Variants in KIRREL3 observed in about 807,000 individuals in gnomAD.
KIRREL3 encodes kin of IRRE-like protein 3.
In KIRREL3, 36 loss-of-function variants were observed where a neutral mutation model predicts 89.7. The ratio of observed to expected loss-of-function variants is 0.40; its 90% CI spans 0.31 to 0.53. KIRREL3 has a LOEUF of 0.53. Ranked by LOEUF, KIRREL3 falls within the 20% of genes least tolerant of loss-of-function variation. The pLI is 0.49. For synonymous variants in KIRREL3, 445 were observed against 441.4 expected, an observed-to-expected ratio of 1.01 and a Z score of -0.10; for missense variants, 864 against 1,056.6, an observed-to-expected ratio of 0.82 and a Z score of 2.53.
chr11:126,781,540 T>C (rs1292571208), intron 1 of KIRREL3, among the ~76,000 whole-genome samples: 1 of 152,206 alleles, frequency 6.6e-6, no homozygotes, highest in Admixed American at 6.5e-5. Flanking sequence ...TTTATCTGTG[T>C]CATTAGAAAA....
rs1205034117 is a variant in KIRREL3 at position 126,484,113 on chromosome 11, C to T, written c.434-10647G>A. ...TTAGTACAGTGCCTGGCATAGTGAG[C>T]ACTTAATAAATACTTGTTGCCTGGT... is the stretch of plus-strand genomic sequence containing the variant. On this transcript the variant is annotated intron_variant, in intron 4 of 16. Coordinates refer to ENST00000525144, the MANE Select transcript of KIRREL3 (RefSeq NM_032531.4). This position sits in a 1 kb window ranked among gnomAD's most constrained non-coding sequence, Gnocchi z 5.2. Among the ~76,000 whole-genome samples the T allele has an allele frequency of 6.6e-6, 1 of 152,178 alleles. No homozygotes were observed. Among genetic ancestry groups the T allele is most frequent in the Non-Finnish European group, 1.5e-5 (1 of 68,044 alleles).
At position 126,652,829 on chromosome 11, in the gene KIRREL3, C is replaced by T. The variant is rs1232264120; in HGVS notation, c.56-89917G>A. ...TTCAACTTTCCTCCCTGAGATCTTC[C>T]TCCGTGAACCAACAACAAAAGGACC... is the stretch of plus-strand genomic sequence containing the variant. On this transcript the variant is annotated intron_variant, in intron 1 of 16. Transcript: ENST00000525144. This position sits in a 1 kb window ranked among gnomAD's most constrained non-coding sequence, Gnocchi z 4.9. 17 of 152,188 alleles carry T rather than the reference C, an allele frequency of 1.1e-4. No homozygotes were observed. The allele number at this position is 152,188 out of a possible 1,614,324, so 9.4% of individuals were successfully genotyped here. A position where few individuals can be genotyped will look rare whatever the true frequency, so the allele number is the denominator to read the frequency against.
intron 1 of KIRREL3, among the ~76,000 whole-genome samples, chr11:126,707,529 A>G (rs1157067323): frequency 6.6e-6 from 1 of 152,114 alleles, no homozygotes; most frequent in African/African-American, 2.4e-5. Context: ...TCTATACTCT[A>G]TGTCAGTCCA....
rs960951722 is a variant in KIRREL3, at chr11:127,000,744, T to TC, written c.-236dup. 9 of 533,162 alleles carry TC rather than the reference T, an allele frequency of 1.7e-5. No homozygotes were observed. The African/African-American group carries it at 1.7e-4, about 10-fold the overall frequency. The allele number at this position is 533,162 out of a possible 1,614,324, so 33.0% of individuals were successfully genotyped here. On this transcript the variant is annotated 5_prime_UTR_variant, in exon 1 of 17. The change abolishes the stop of an existing upstream ORF in the 5' untranslated region. Coordinates refer to ENST00000525144, the MANE Select transcript of KIRREL3 (RefSeq NM_032531.4). The surrounding 1 kb of genome is among the most constrained non-coding windows in gnomAD (Gnocchi z 7.1). ...CGGGAAGCCGGGATTGTCAGCAATG[T>TC]CCCCACTCGGAGAAGATCCATTCTC...
rs1949725427 is a variant in KIRREL3, at chr11:126,981,723, G to T, written c.55+18732C>A. Among the ~76,000 whole-genome samples, 1 of 152,126 alleles carries T rather than the reference G, an allele frequency of 6.6e-6. No homozygotes were observed. The highest frequency in any genetic ancestry group is 6.5e-5 in the Admixed American group (1 of 15,282). On this transcript the variant is annotated intron_variant, in intron 1 of 16. Coordinates refer to ENST00000525144, the MANE Select transcript of KIRREL3 (RefSeq NM_032531.4). This position sits in a 1 kb window ranked among gnomAD's most constrained non-coding sequence, Gnocchi z 4.2. Reference sequence around the variant, plus strand: ...ATCCTTGGAGTAGGTTCCTGAGCTTGGTGCCTGGGGAACTGGGGAAGGCCC... The same window carrying T: ...ATCCTTGGAGTAGGTTCCTGAGCTTTGTGCCTGGGGAACTGGGGAAGGCCC...
In KIRREL3 at chr11:126,752,520, T is replaced by C. The variant is rs897439316; in HGVS notation, c.56-189608A>G. On this transcript the variant is annotated intron_variant, in intron 1 of 16. Coordinates refer to ENST00000525144, the MANE Select transcript of KIRREL3 (RefSeq NM_032531.4). This position sits in a 1 kb window ranked among gnomAD's most constrained non-coding sequence, Gnocchi z 4.8. ...ACAGCGGAATAAGACCACTGAGTGT[T>C]GTTCTTGAAAACTGATGCAGAATTA... Among the ~76,000 whole-genome samples, 3 of 152,210 alleles carry C rather than the reference T, an allele frequency of 2.0e-5. No homozygotes were observed. The highest frequency in any genetic ancestry group is 4.8e-5 in the African/African-American group (2 of 41,466).
rs1241723834 is a variant in KIRREL3, at chr11:126,520,662, T to A, written c.433+653A>T. Among the ~76,000 whole-genome samples the A allele has an allele frequency of 1.3e-5, 2 of 152,160 alleles. No homozygotes were observed. The highest frequency in any genetic ancestry group is 3.9e-4 in the East Asian group (2 of 5,188). ...TAAGAGGTCACCGAGCCCATTCCCC[T>A]GTCTTCAGGCAAGATGATCCAGGAA... On this transcript the variant is annotated intron_variant, in intron 4 of 16. Transcript: ENST00000525144. This position sits in a 1 kb window ranked among gnomAD's most constrained non-coding sequence, Gnocchi z 4.9.
In KIRREL3 at chr11:126,601,324, G is replaced by A. The variant is rs768421470; in HGVS notation, c.56-38412C>T. ...ACTGAGCGGCAGCCGTGGGCATCTT[G>A]GGTTTTGCAGCTCAGCCCTGGGCCT... On this transcript the variant is annotated intron_variant, in intron 1 of 16. Coordinates refer to ENST00000525144, the MANE Select transcript of KIRREL3 (RefSeq NM_032531.4). This position sits in a 1 kb window ranked among gnomAD's most constrained non-coding sequence, Gnocchi z 5.8. Among the ~76,000 whole-genome samples the A allele has an allele frequency of 2.0e-5, 3 of 152,174 alleles. No individual in the cohort carries two copies. The highest frequency in any genetic ancestry group is 4.4e-5 in the Non-Finnish European group (3 of 68,038).
intron 1 of KIRREL3, among the ~76,000 whole-genome samples, chr11:126,849,785 G>A (rs769795776): frequency 5.9e-5 from 9 of 152,144 alleles, no homozygotes; most frequent in South Asian, 2.1e-4. Context: ...TCACAGGTGC[G>A]GCTTTTCCAA....
At chr11:126,467,489 T>A (rs1956764062) in intron 5 of KIRREL3, among the ~76,000 whole-genome samples, 1 of 151,976 alleles carries the variant, frequency 6.6e-6, no homozygotes, top group African/African-American at 2.4e-5. Flanking sequence ...AGACAAGGGG[T>A]GGGGGCCCAA....
chr11:126,712,647 T>C (rs1345547787), intron 1 of KIRREL3, among the ~76,000 whole-genome samples: 1 of 152,134 alleles, frequency 6.6e-6, no homozygotes, highest in Non-Finnish European at 1.5e-5. Flanking sequence ...TGTCCACTCA[T>C]GGTGTGAGTC....
intron 13 of KIRREL3, among the ~76,000 whole-genome samples, chr11:126,435,002 G>A (rs1815937180): frequency 6.6e-6 from 1 of 152,136 alleles, no homozygotes; most frequent in African/African-American, 2.4e-5. Flanking sequence ...AATGGAGCGG[G>A]GACGAGCAAG....
At chr11:126,895,776 T>G (rs2134802012) in intron 1 of KIRREL3, among the ~76,000 whole-genome samples, 1 of 152,224 alleles carries the variant, frequency 6.6e-6, no homozygotes, top group South Asian at 2.1e-4. Context: ...CCTCCCTAAC[T>G]TCCCCTTTAC....
At chr11:126,732,367 C>T (rs1948653175) in intron 1 of KIRREL3, among the ~76,000 whole-genome samples, 1 of 152,162 alleles carries the variant, frequency 6.6e-6, no homozygotes, top group African/African-American at 2.4e-5. Context: ...AAATAGCCAC[C>T]CCTTCTCATG....
In KIRREL3 at chr11:126,521,574, AGAG is replaced by A. The variant is rs1298507258; in HGVS notation, c.284-113_284-111del. 2 of 968,140 alleles carry A rather than the reference AGAG, an allele frequency of 2.1e-6. No individual in the cohort carries two copies. The highest frequency in any genetic ancestry group is 4.8e-5 in the Admixed American group (2 of 41,946). The allele number at this position is 968,140 out of a possible 1,614,324, so 60.0% of individuals were successfully genotyped here. A position where few individuals can be genotyped will look rare whatever the true frequency, so the allele number is the denominator to read the frequency against. ...GCAGGGGCCATTCTACAAGGCTGGCAGAGCGGGTGATTGCTCAGGGCTCTGATC... is the reference window on the plus strand; with the variant it reads ...GCAGGGGCCATTCTACAAGGCTGGCACGGGTGATTGCTCAGGGCTCTGATC... On this transcript the variant is annotated intron_variant, in intron 3 of 16. Transcript: ENST00000525144. The surrounding 1 kb of genome is among the most constrained non-coding windows in gnomAD (Gnocchi z 4.1).
chr11:126,837,419 G>T lies in KIRREL3; in HGVS notation c.55+163036C>A, dbSNP rs1254331617. Among the ~76,000 whole-genome samples the T allele has an allele frequency of 1.3e-5, 2 of 152,152 alleles. No homozygotes were observed. The highest frequency in any genetic ancestry group is 2.9e-5 in the Non-Finnish European group (2 of 68,018). ...CAAAACTATGAACTTGTTAGATAAG[G>T]ACATGTCTAGACTCAGAGTGGAAGA... On this transcript the variant is annotated intron_variant, in intron 1 of 16. Transcript: ENST00000525144. The surrounding 1 kb of genome is among the most constrained non-coding windows in gnomAD (Gnocchi z 4.7).
At chr11:126,549,534 C>CA (rs1012101714) in intron 2 of KIRREL3, 12 of 152,198 alleles carry the variant, frequency 7.9e-5, no homozygotes, top group African/African-American at 2.9e-4. Context: ...TATGGCACCG[C>CA]AAGCCATTAA....
chr11:126,773,160 A>AT lies in KIRREL3; in HGVS notation c.56-210249dup, dbSNP rs962251571. Reference sequence around the variant, plus strand: ...TGATTTTGTAGGTCTGTGATGATTGATTTTTTGTGTCAACTTTGCTGGGAC... The same window carrying AT: ...TGATTTTGTAGGTCTGTGATGATTGATTTTTTTGTGTCAACTTTGCTGGGAC... On this transcript the variant is annotated intron_variant, in intron 1 of 16. Coordinates refer to ENST00000525144, the MANE Select transcript of KIRREL3 (RefSeq NM_032531.4). The surrounding 1 kb of genome is among the most constrained non-coding windows in gnomAD (Gnocchi z 4.2). 4.6e-5 allele frequency among the ~76,000 whole-genome samples: 7 copies of AT among 152,272 alleles called. No homozygotes were observed. Among genetic ancestry groups the AT allele is most frequent in the East Asian group, 3.9e-4 (2 of 5,182 alleles).
rs1028200967 is a variant in KIRREL3, at chr11:126,780,397, G to C, written c.56-217485C>G. Reference sequence around the variant, plus strand: ...AGCTATTCGTGGGGAAGCCTGACAGGGTTTCTTTTAACTTAATGTTTGCTG... The same window carrying C: ...AGCTATTCGTGGGGAAGCCTGACAGCGTTTCTTTTAACTTAATGTTTGCTG... On this transcript the variant is annotated intron_variant, in intron 1 of 16. Transcript: ENST00000525144. The surrounding 1 kb of genome is among the most constrained non-coding windows in gnomAD (Gnocchi z 5.3). 6.6e-6 allele frequency among the ~76,000 whole-genome samples: 1 copy of C among 152,138 alleles called. No homozygotes were observed. The highest frequency in any genetic ancestry group is 1.5e-5 in the Non-Finnish European group (1 of 68,024).
Sources: gnomAD v4.1 joint callset for allele counts (sites outside exome capture counted in the v4.1 genomes callset) on GRCh38, gnomAD v4.1.1 for gene constraint, Gnocchi (gnomAD v3.1) non-coding constraint, MANE v1.5 for transcripts, NCBI Gene and HGNC (gene_info 2026-07-23, HGNC 2026-07-21) for gene names.